The following ERBB4 variants were observed in gnomAD, a reference collection of about 807,000 sequenced individuals.
The protein encoded by ERBB4 is erb-b2 receptor tyrosine kinase 4, also known as receptor tyrosine-protein kinase erbB-4.
A neutral mutation model predicts 158.0 loss-of-function variants in ERBB4; 42 were observed. The ratio of observed to expected loss-of-function variants is 0.27; its 90% confidence interval spans 0.21 to 0.34. The LOEUF is 0.34. Among genes scored for constraint, ERBB4 ranks in the 10% least tolerant of loss-of-function variants. ERBB4 has a pLI of 1.00. For synonymous variants in ERBB4, 583 were observed against 558.7 expected, an observed-to-expected ratio of 1.04 and a Z score of -0.61; for missense variants, 1,333 against 1,624.1, an observed-to-expected ratio of 0.82 and a Z score of 3.08.
At chr2:212,457,392 C>A (rs904836020) in intron 1 of ERBB4, among the ~76,000 whole-genome samples, 1 of 151,938 alleles carries the variant, frequency 6.6e-6, no homozygotes, top group Non-Finnish European at 1.5e-5. Flanking sequence ...ATTTCCAACC[C>A]CTTCTTTACA....
intron 1 of ERBB4, among the ~76,000 whole-genome samples, chr2:212,207,073 A>T (rs2082786789): frequency 6.6e-6 from 1 of 151,972 alleles, no homozygotes; most frequent in South Asian, 2.1e-4. Context: ...TGCTTATAGT[A>T]TGTGAATTCA....
At chr2:211,547,650 A>AC (rs1170941532) in intron 20 of ERBB4, among the ~76,000 whole-genome samples, 13 of 152,142 alleles carry the variant, frequency 8.5e-5, no homozygotes, top group African/African-American at 3.1e-4. Flanking sequence ...AAAATCTGCT[A>AC]CAATACCAAG....
intron 2 of ERBB4, among the ~76,000 whole-genome samples, chr2:212,089,624 G>A (rs1244914501): frequency 2.6e-5 from 4 of 152,120 alleles, no homozygotes; most frequent in Non-Finnish European, 5.9e-5. Context: ...CTCCTGCCAT[G>A]CAGATGTCTG....
At chr2:211,551,653 T>C (rs1316051746) in intron 20 of ERBB4, among the ~76,000 whole-genome samples, 1 of 152,326 alleles carries the variant, frequency 6.6e-6, no homozygotes, top group African/African-American at 2.4e-5. Flanking sequence ...TAGACTATTA[T>C]TTTTTAAATT....
At chr2:212,397,449 G>T (rs2091062555) in intron 1 of ERBB4, among the ~76,000 whole-genome samples, 1 of 149,158 alleles carries the variant, frequency 6.7e-6, no homozygotes, top group Admixed American at 6.7e-5. Context: ...CTCAGCCTGG[G>T]TGACAGAGCA....
At chr2:212,194,999 T>C (rs2082381105) in intron 1 of ERBB4, among the ~76,000 whole-genome samples, 2 of 151,994 alleles carry the variant, frequency 1.3e-5, no homozygotes, top group African/African-American at 2.4e-5. Context: ...AAATATAATA[T>C]AGGCAGTCCA....
At chr2:212,054,726 G>A (rs1489844482) in intron 2 of ERBB4, among the ~76,000 whole-genome samples, 1 of 152,116 alleles carries the variant, frequency 6.6e-6, no homozygotes, top group African/African-American at 2.4e-5. Context: ...TGCTTTTTCT[G>A]GAAGATGCTG....
At chr2:212,099,736 G>GTTTTTTTT (rs3037296) in intron 2 of ERBB4, among the ~76,000 whole-genome samples, 2 of 144,598 alleles carry the variant, frequency 1.4e-5, no homozygotes. Flanking sequence ...TTGTTTTACA[G>GTTTTTTTT]TTTTTTTTTT....
At chr2:212,262,839 G>A (rs2084995436) in intron 1 of ERBB4, among the ~76,000 whole-genome samples, 2 of 152,068 alleles carry the variant, frequency 1.3e-5, no homozygotes, top group Admixed American at 1.3e-4. Flanking sequence ...ATATGTAAAT[G>A]TATGTCTGGA....
In ERBB4 at chr2:212,538,439, A is replaced by G. The variant is rs985206707; in HGVS notation, c.82+10T>C. On this transcript the variant is annotated intron_variant, in intron 1 of 27. Coordinates refer to ENST00000342788, the MANE Select transcript of ERBB4 (RefSeq NM_005235.3). ...CAGGTTCGGCGACCGGAGTGCCAGA[A>G]GGAACCCACCTGACTGAGAATCGCT... The G allele has an allele frequency of 6.8e-6, 11 of 1,613,484 alleles. No individual in the cohort carries two copies. The highest frequency in any genetic ancestry group is 9.3e-6 in the Non-Finnish European group (11 of 1,179,606).
In ERBB4 at chr2:211,789,177, T is replaced by C. The variant is rs187607866; in HGVS notation, c.422-1018A>G. On this transcript the variant is annotated intron_variant, in intron 3 of 27. Coordinates refer to ENST00000342788, the MANE Select transcript of ERBB4 (RefSeq NM_005235.3). The stretch of plus-strand genomic sequence containing the variant: ...AGCCCAATATGTACCACATTTCCCC[T>C]TCCTGTTCAATACAAAAGCAATTTA... 6.6e-3 allele frequency among the ~76,000 whole-genome samples: 1,006 copies of C among 152,248 alleles called. 17 individuals carry two copies. Among genetic ancestry groups the C allele is most frequent in the Middle Eastern group, 0.041 (12 of 292 alleles).
chr2:212,197,969 C>T (rs2082480114), intron 1 of ERBB4, among the ~76,000 whole-genome samples: 1 of 152,120 alleles, frequency 6.6e-6, no homozygotes, highest in South Asian at 2.1e-4. Flanking sequence ...AAGAACCAAA[C>T]TATGAGGCTG....
intron 1 of ERBB4, among the ~76,000 whole-genome samples, chr2:212,140,814 C>A (rs1026598283): frequency 6.7e-6 from 1 of 149,442 alleles, no homozygotes; most frequent in African/African-American, 2.5e-5. Flanking sequence ...AAAAACAAAC[C>A]AATTTCCCAC....
chr2:212,166,467 C>G (rs1479659179), intron 1 of ERBB4, among the ~76,000 whole-genome samples: 4 of 151,844 alleles, frequency 2.6e-5, no homozygotes, highest in Admixed American at 2.0e-4. Context: ...ACATTCTATC[C>G]TCATGGATAG....
intron 1 of ERBB4, among the ~76,000 whole-genome samples, chr2:212,435,758 T>C (rs1029197914): frequency 1.3e-5 from 2 of 151,974 alleles, no homozygotes; most frequent in African/African-American, 2.4e-5. Context: ...TAAGAAAACA[T>C]AGTCTTAAAA....
intron 1 of ERBB4, among the ~76,000 whole-genome samples, chr2:212,292,986 GA>G (rs1242006798): frequency 2.0e-5 from 3 of 151,918 alleles, no homozygotes; most frequent in Non-Finnish European, 2.9e-5. Flanking sequence ...TAACTCCCAG[GA>G]AATGAAAATA....
intron 1 of ERBB4, among the ~76,000 whole-genome samples, chr2:212,256,250 T>C (rs1164423221): frequency 1.3e-5 from 2 of 152,190 alleles, no homozygotes; most frequent in Non-Finnish European, 2.9e-5. Context: ...AATGAAAATA[T>C]TGCTTTAACT....
intron 3 of ERBB4, among the ~76,000 whole-genome samples, chr2:211,790,226 A>T (rs2076251053): frequency 6.6e-6 from 1 of 152,072 alleles, no homozygotes; most frequent in African/African-American, 2.4e-5. Context: ...TGCTCTAGGA[A>T]TAATTTTCCA....
chr2:212,430,789 T>C (rs1348920830), intron 1 of ERBB4, among the ~76,000 whole-genome samples: 1 of 151,972 alleles, frequency 6.6e-6, no homozygotes, highest in African/African-American at 2.4e-5. Context: ...AAGTATTCAA[T>C]CTCATGTTGA....
Sources: gnomAD v4.1 joint callset for allele counts (sites outside exome capture counted in the v4.1 genomes callset) on GRCh38, gnomAD v4.1.1 for gene constraint, MANE v1.5 for transcripts, NCBI Gene and HGNC (gene_info 2026-07-23, HGNC 2026-07-21) for gene names.